The following ZC3HAV1 variants were observed in gnomAD, a reference collection of about 807,000 sequenced individuals.
ZC3HAV1 encodes zinc finger CCCH-type containing, antiviral 1.
In ZC3HAV1, 41 loss-of-function variants were observed where a neutral mutation model predicts 86.6. That is an observed-to-expected ratio of 0.47 (90% CI 0.37 to 0.61). The LOEUF (loss-of-function observed/expected upper bound fraction) is 0.61. ZC3HAV1 is among the 20% of genes least tolerant of loss of function. The probability of loss-of-function intolerance (pLI) is 0.00; values close to 1 mark genes in which losing one functional copy is unlikely to be tolerated. For missense variants in ZC3HAV1, 964 were observed against 1,141.1 expected (o/e 0.84, Z 2.24); for synonymous variants, 421 against 432.1 (o/e 0.97, Z 0.32).
intron 7 of ZC3HAV1, among the ~76,000 whole-genome samples, chr7:139,066,946 TG>T (rs771038407): frequency 1.3e-5 from 2 of 152,080 alleles, no homozygotes; most frequent in Non-Finnish European, 2.9e-5. Context: ...CTGGGAAAGT[TG>T]GGGATGATTT....
chr7:139,069,476 C>T (rs1239191161), intron 7 of ZC3HAV1, among the ~76,000 whole-genome samples: 1 of 152,164 alleles, frequency 6.6e-6, no homozygotes, highest in African/African-American at 2.4e-5. Flanking sequence ...CTAAGCTTAG[C>T]TACTTTGCTG....
At position 139,074,158 on chromosome 7, in the gene ZC3HAV1, AT is replaced by A. The variant is rs1816866313; in HGVS notation, c.1698-129del. 4 of 883,160 alleles carry A rather than the reference AT, an allele frequency of 4.5e-6. No individual in the cohort carries two copies. In the South Asian group the frequency reaches 7.6e-5, roughly 17 times the overall value. 54.7% of individuals were successfully genotyped at this position (883,160 alleles called of 1,614,324 possible). On this transcript the variant is annotated intron_variant, in intron 6 of 12. Coordinates refer to ENST00000242351, the MANE Select transcript of ZC3HAV1 (RefSeq NM_020119.4). The stretch of plus-strand genomic sequence containing the variant: ...AAATAGATCTTCAAGTTTTCTTTCC[AT>A]GGCTCCAGGTCCTACACATAAAAGA...
intron 2 of ZC3HAV1, among the ~76,000 whole-genome samples, chr7:139,089,041 G>A (rs1817355519): frequency 1.4e-5 from 2 of 142,862 alleles, no homozygotes; most frequent in Non-Finnish European, 3.0e-5. Flanking sequence ...GGCAGAGGTT[G>A]CAGTGAGCTA....
chr7:139,057,228 C>G, intron 9 of ZC3HAV1, among the ~76,000 whole-genome samples: 1 of 151,886 alleles, frequency 6.6e-6, no homozygotes, highest in East Asian at 1.9e-4. Context: ...TGTGGTGGTG[C>G]ACGGCTGTAG....
At chr7:139,102,802 T>TG (rs1271669908) in intron 1 of ZC3HAV1, among the ~76,000 whole-genome samples, 2 of 150,236 alleles carry the variant, frequency 1.3e-5, no homozygotes, top group Non-Finnish European at 3.0e-5. Context: ...ACTAGCCTGG[T>TG]CCCAGCTACT....
intron 1 of ZC3HAV1, among the ~76,000 whole-genome samples, chr7:139,103,374 T>C (rs1387430348): frequency 6.6e-6 from 1 of 151,450 alleles, no homozygotes; most frequent in Non-Finnish European, 1.5e-5. Flanking sequence ...GCACTGGGAG[T>C]ACACCCATGA....
At chr7:139,093,625 C>T (rs1817494359) in intron 1 of ZC3HAV1, among the ~76,000 whole-genome samples, 1 of 152,228 alleles carries the variant, frequency 6.6e-6, no homozygotes, top group Non-Finnish European at 1.5e-5. Context: ...GTCCCCGGCC[C>T]CTGCCCGCCA....
intron 3 of ZC3HAV1, among the ~76,000 whole-genome samples, chr7:139,082,533 GTGGTA>G (rs1563134927): frequency 1.5e-4 from 23 of 152,232 alleles, no homozygotes; most frequent in African/African-American, 5.3e-4. Flanking sequence ...GGGTCTCAAA[GTGGTA>G]TCTGTACACC....
At chr7:139,060,484 C>A (rs774936259) in intron 9 of ZC3HAV1, 55 of 992,124 alleles carry the variant, frequency 5.5e-5, no homozygotes, top group Non-Finnish European at 6.5e-5. Flanking sequence ...TCCCTTTTTT[C>A]TATCTCTTTC....
At chr7:139,060,274 T>A in intron 9 of ZC3HAV1, 1 of 985,414 alleles carries the variant, frequency 1.0e-6, no homozygotes, top group Non-Finnish European at 1.2e-6. Context: ...GATTTTATAC[T>A]TCTCTTGAAG....
At chr7:139,048,270 A>G (rs996439056) in intron 12 of ZC3HAV1, among the ~76,000 whole-genome samples, 4 of 152,190 alleles carry the variant, frequency 2.6e-5, no homozygotes, top group Non-Finnish European at 5.9e-5. Context: ...CAGCAGACCA[A>G]CAATTTCCTG....
chr7:139,072,711 G>A (rs193102699), intron 7 of ZC3HAV1, among the ~76,000 whole-genome samples: 3 of 152,240 alleles, frequency 2.0e-5, no homozygotes, highest in East Asian at 3.9e-4. Context: ...TCTAGTTCCA[G>A]TCCTTTAAGT....
intron 5 of ZC3HAV1, among the ~76,000 whole-genome samples, chr7:139,076,954 C>A (rs2130701715): frequency 6.6e-6 from 1 of 151,980 alleles, no homozygotes; most frequent in East Asian, 1.9e-4. Context: ...GTCACTCCAC[C>A]CAGATAGAAA....
intron 1 of ZC3HAV1, among the ~76,000 whole-genome samples, chr7:139,097,412 ATATATATATATATATATT>A (rs1475476937): frequency 1.3e-5 from 1 of 74,390 alleles, no homozygotes; most frequent in Non-Finnish European, 2.4e-5. Flanking sequence ...ATATATATAT[ATATATATATATATATATT>A]TTTTTTTTTT....
At chr7:139,071,552 T>C (rs1051867184) in intron 7 of ZC3HAV1, among the ~76,000 whole-genome samples, 3 of 152,372 alleles carry the variant, frequency 2.0e-5, no homozygotes, top group Non-Finnish European at 2.9e-5. Context: ...TTTGGGTTTA[T>C]AATTTTATTT....
At chr7:139,097,434 T>TTATTTTTTTTTA (rs1554445029) in intron 1 of ZC3HAV1, among the ~76,000 whole-genome samples, 24 of 105,806 alleles carry the variant, frequency 2.3e-4, no homozygotes, top group African/African-American at 1.0e-3. Flanking sequence ...ATATATTTTT[T>TTATTTTTTTTTA]TTTTTTTTTT....
At chr7:139,095,811 T>G (rs2130727944) in intron 1 of ZC3HAV1, among the ~76,000 whole-genome samples, 1 of 152,282 alleles carries the variant, frequency 6.6e-6, no homozygotes, top group East Asian at 1.9e-4. Context: ...ATCTAGGGAC[T>G]TAAAAAAACA....
chr7:139,076,905 A>G (rs1816969251), intron 5 of ZC3HAV1, among the ~76,000 whole-genome samples: 1 of 151,840 alleles, frequency 6.6e-6, no homozygotes, highest in South Asian at 2.1e-4. Flanking sequence ...AAAAAAAAAG[A>G]AAAAGAAAAG....
intron 6 of ZC3HAV1, among the ~76,000 whole-genome samples, chr7:139,075,300 T>C (rs58343964): frequency 0.19 from 28,301 of 152,116 alleles, 3,234 homozygotes; most frequent in East Asian, 0.44. Flanking sequence ...TCTCATATGA[T>C]GAAAAGTAAT....
Sources: allele counts gnomAD v4.1 joint callset (sites outside exome capture counted in the v4.1 genomes callset), GRCh38; gene constraint gnomAD v4.1.1; transcripts MANE v1.5; gene names NCBI Gene and HGNC (gene_info 2026-07-23, HGNC 2026-07-21).